The following FER1L5 variants were observed in gnomAD, a reference collection of about 807,000 sequenced individuals.
FER1L5 encodes fer-1-like protein 5.
A neutral mutation model predicts 279.9 loss-of-function variants in FER1L5; 187 were observed. The ratio of observed to expected loss-of-function variants is 0.67; its 90% CI spans 0.59 to 0.75. The LOEUF (loss-of-function observed/expected upper bound fraction) is 0.75. FER1L5 is among the 30% of genes least tolerant of loss of function. The pLI, the probability that FER1L5 is intolerant of heterozygous loss-of-function variation, is 0.00. For missense variants in FER1L5, 2,091 were observed against 2,594.4 expected, an observed-to-expected ratio of 0.81 and a Z score of 4.21; for synonymous variants, 921 against 989.7, an observed-to-expected ratio of 0.93 and a Z score of 1.30.
rs772343894 is a variant in FER1L5 at position 96,704,669 on chromosome 2, G to C, written c.6151G>C (p.Glu2051Gln). ...AAATCACCTGAGTGATATTTTCCCA[G>C]AACTTCCAGCCCCAGGAGACTAATT... The part of the protein sequence containing the change: ...PTNHLSDIFP[E>Q]LPAPGD The change falls in exon 53 of 53, where the codon GAA (glutamate) becomes CAA (glutamine). Residue 2051 changes from glutamate (E) to glutamine (Q), a missense_variant. Transcript: ENST00000624922. 7 of 1,613,840 alleles carry C rather than the reference G, an allele frequency of 4.3e-6. No homozygotes were observed. In the Admixed American group the frequency reaches 1.2e-4, roughly 27 times the overall value.
At chr2:96,660,236 G>A in intron 9 of FER1L5, 105 bp from the exon 10 acceptor site, 1 of 1,151,338 alleles carries the variant, frequency 8.7e-7, no homozygotes. Context: ...TTAGGGCAGA[G>A]AACATACTGA....
intron 23 of FER1L5, among the ~76,000 whole-genome samples, chr2:96,686,814 T>A (rs1248453361): frequency 7.6e-6 from 1 of 131,504 alleles, no homozygotes; most frequent in Non-Finnish European, 1.5e-5. Context: ...GCTGAGATCG[T>A]GACACTGTTC....
intron 9 of FER1L5, among the ~76,000 whole-genome samples, chr2:96,656,564 A>G (rs893516183): frequency 6.6e-6 from 1 of 152,236 alleles, no homozygotes; most frequent in South Asian, 2.1e-4. Context: ...CAGATGGTAG[A>G]GGTTGCAGTG....
chr2:96,643,330 C>T (rs2074963475), intron 1 of FER1L5, among the ~76,000 whole-genome samples: 1 of 152,102 alleles, frequency 6.6e-6, no homozygotes, highest in Non-Finnish European at 1.5e-5. Flanking sequence ...TTACAATTGA[C>T]AAGGCATTAT....
In FER1L5 at chr2:96,661,702, C is replaced by A. The variant is rs2075960030; in HGVS notation, c.929C>A (p.Thr310Asn). 1.3e-6 allele frequency: 2 copies of A among 1,551,630 alleles called. No individual in the cohort carries two copies. The highest frequency in any genetic ancestry group is 3.9e-5 in the Admixed American group (2 of 50,992). The change falls in exon 12 of 53, where the codon ACC (threonine) becomes AAC (asparagine). Residue 310 changes from threonine to asparagine, a missense_variant. Thr to Asn is a moderately conservative substitution (Grantham distance 65). Coordinates refer to ENST00000624922, the MANE Select transcript of FER1L5 (RefSeq NM_001293083.2). ...AAGCTGCTCTATGGCACCGATGACA[C>A]CGATATTCAGATCTTCAAGTCAGCG... is the stretch of plus-strand genomic sequence containing the variant. Reference protein sequence around the residue: ...DQKLLYGTDDTDIQIFKSAVV... With the variant: ...DQKLLYGTDDNDIQIFKSAVV...
intron 39 of FER1L5, 97 bp downstream of exon 39, chr2:96,697,858 GGTTCC>G (rs2077441651): frequency 6.7e-7 from 1 of 1,495,050 alleles, no homozygotes; most frequent in Admixed American, 1.9e-5. Context: ...CAAGTGGGAA[GGTTCC>G]CGCACTGTCT....
Position 96,689,388 on chromosome 2 carries a change from G to A in FER1L5, c.2525+12G>A. On this transcript the variant is annotated intron_variant, in intron 25 of 52. Transcript: ENST00000624922. This position sits in a 1 kb window ranked among gnomAD's most constrained non-coding sequence, Gnocchi z 4.6. Reference sequence around the variant, plus strand: ...GAACCTCAGAGAAGGTAAGGCCAGAGGGGGCAGGCCCCACCAGAGGGGACA... The same window carrying A: ...GAACCTCAGAGAAGGTAAGGCCAGAAGGGGCAGGCCCCACCAGAGGGGACA... 1 of 1,548,604 alleles carries A rather than the reference G, an allele frequency of 6.5e-7. No individual in the cohort carries two copies. Among genetic ancestry groups the A allele is most frequent in the Non-Finnish European group, 8.7e-7 (1 of 1,146,268 alleles).
rs1162866523 is a variant in FER1L5, at chr2:96,694,465, G to C, written c.3741+1G>C. 1 of 1,541,264 alleles carries C rather than the reference G, an allele frequency of 6.5e-7. No homozygotes were observed. The highest frequency in any genetic ancestry group is 1.2e-5 in the South Asian group (1 of 82,142). On this transcript the variant is annotated splice_donor_variant, in intron 34 of 52. Transcript: ENST00000624922. LOFTEE classifies it high-confidence loss of function. This position sits in a 1 kb window ranked among gnomAD's most constrained non-coding sequence, Gnocchi z 4.6. The stretch of plus-strand genomic sequence containing the variant: ...CACGATAAAGAGGATGGCCATTGAG[G>C]TGCTGGCGATGTGGGATGGGGACGG...
At position 96,702,817 on chromosome 2, in the gene FER1L5, C is replaced by T; in HGVS notation, c.5397+76C>T. On this transcript the variant is annotated intron_variant, in intron 48 of 52. Transcript: ENST00000624922. The surrounding 1 kb of genome is among the most constrained non-coding windows in gnomAD (Gnocchi z 4.0). The stretch of plus-strand genomic sequence containing the variant: ...GCTCCTGGAGCTCCTCCCCCCACCC[C>T]TCCAGAGGCTTGCAATCTGTCCCAG... The T allele has an allele frequency of 6.3e-7, 1 of 1,575,592 alleles. No homozygotes were observed. Among genetic ancestry groups the T allele is most frequent in the Non-Finnish European group, 8.6e-7 (1 of 1,161,218 alleles).
Position 96,698,750 on chromosome 2 carries a change from GA to G in FER1L5, c.4437del (p.Glu1480ArgfsTer32). The G allele has an allele frequency of 6.4e-7, 1 of 1,573,788 alleles. No homozygotes were observed. The highest frequency in any genetic ancestry group is 8.6e-7 in the Non-Finnish European group (1 of 1,160,304). On this transcript the variant is annotated frameshift_variant, in exon 41 of 53. Transcript: ENST00000624922. LOFTEE classifies it high-confidence loss of function. This position sits in a 1 kb window ranked among gnomAD's most constrained non-coding sequence, Gnocchi z 5.5. Reference sequence around the variant, plus strand: ...CTGCAGTTCTTGGTTTGGCCAGAGAGAGAGGACTTCCCCCAGCCGTGCTTGG... The same window carrying G: ...CTGCAGTTCTTGGTTTGGCCAGAGAGGAGGACTTCCCCCAGCCGTGCTTGG... ...PPLQFLVWPE[R>X]EDFPQPCLVR...
chr2:96,686,400 A>C (rs1261670772), intron 23 of FER1L5, 50 bp downstream of exon 23: 1 of 1,517,580 alleles, frequency 6.6e-7, no homozygotes, highest in Admixed American at 2.1e-5. Context: ...AAATGCCCCC[A>C]GGGGAGCCCC....
At chr2:96,671,368 G>A (rs1426224896) in intron 18 of FER1L5, among the ~76,000 whole-genome samples, 2 of 152,094 alleles carry the variant, frequency 1.3e-5, no homozygotes, top group Admixed American at 1.3e-4. Flanking sequence ...GAGGTGGGTA[G>A]GTTTCAGAGA....
At chr2:96,681,125 G>A (rs541224065) in intron 19 of FER1L5, among the ~76,000 whole-genome samples, 10 of 152,222 alleles carry the variant, frequency 6.6e-5, no homozygotes, top group African/African-American at 2.4e-4. Flanking sequence ...CCTGAAGAGT[G>A]TCCAACAAAA....
Position 96,698,681 on chromosome 2 carries a change from G to A in FER1L5, c.4367G>A (p.Arg1456His), listed in dbSNP as rs2077474245. The part of the protein sequence containing the change: ...PVVGEFKGLF[R>H]IYPFPENPEA... ...CCCTCCCCCCGCCAGGGCCTTTTCCGCATCTACCCCTTTCCTGAGAATCCA... is the reference window on the plus strand; with the variant it reads ...CCCTCCCCCCGCCAGGGCCTTTTCCACATCTACCCCTTTCCTGAGAATCCA... The change falls in exon 41 of 53, where the codon CGC becomes CAC. Residue 1456 changes from arginine (R) to histidine (H), a missense_variant. Transcript: ENST00000624922. This position sits in a 1 kb window ranked among gnomAD's most constrained non-coding sequence, Gnocchi z 5.5. The A allele has an allele frequency of 4.4e-6, 7 of 1,586,422 alleles. No homozygotes were observed. Among genetic ancestry groups the A allele is most frequent in the Non-Finnish European group, 4.3e-6 (5 of 1,167,094 alleles).
Position 96,691,347 on chromosome 2 carries a change from G to A in FER1L5, c.2901G>A (p.Leu967=). Residue 967 remains leucine, a synonymous_variant, in exon 28 of 53, where the codon CTG becomes CTA. Coordinates refer to ENST00000624922, the MANE Select transcript of FER1L5 (RefSeq NM_001293083.2). The surrounding 1 kb of genome is among the most constrained non-coding windows in gnomAD (Gnocchi z 6.0). ...ACGAGCAGGAGACCCTCTCCTTCCT[G>A]CAGCTGGTGAGGGGTCGACGGGCGC... is the stretch of plus-strand genomic sequence containing the variant. ...LSHEQETLSF[L]QLGLAKGEEE... 1 of 1,549,282 alleles carries A rather than the reference G, an allele frequency of 6.5e-7. No homozygotes were observed. Among genetic ancestry groups the A allele is most frequent in the Non-Finnish European group, 8.7e-7 (1 of 1,145,922 alleles).
intron 14 of FER1L5, among the ~76,000 whole-genome samples, chr2:96,663,869 C>A (rs1023312081): frequency 2.6e-5 from 4 of 152,028 alleles, no homozygotes; most frequent in Admixed American, 6.6e-5. Context: ...AGTGGCGAAA[C>A]CAGACTCTAC....
chr2:96,647,707 C>A, intron 3 of FER1L5, 71 bp from the exon 4 acceptor site: 3 of 1,151,762 alleles, frequency 2.6e-6, no homozygotes, highest in Non-Finnish European at 3.8e-6. Context: ...CTAGCTAAAG[C>A]CCTGCCCGGG....
At chr2:96,658,070 G>A (rs564384325) in intron 9 of FER1L5, among the ~76,000 whole-genome samples, 1 of 151,442 alleles carries the variant, frequency 6.6e-6, no homozygotes, top group African/African-American at 2.4e-5. Context: ...AGGCTGGAGT[G>A]CAATGGCGTG....
In FER1L5 at chr2:96,704,652, T is replaced by C; in HGVS notation, c.6134T>C (p.Leu2045Pro). 3 of 1,614,032 alleles carry C rather than the reference T, an allele frequency of 1.9e-6. 1 individual carries two copies. The South Asian group carries it at 3.3e-5, about 18-fold the overall frequency. The change falls in exon 53 of 53, where the codon CTG becomes CCG. Residue 2045 changes from leucine to proline, a missense_variant. Physicochemically the swap from Leu to Pro is moderately conservative, Grantham distance 98. Transcript: ENST00000624922. ...CTCCACCCAGGACCCACAAATCACC[T>C]GAGTGATATTTTCCCAGAACTTCCA... ...WKLHPGPTNH[L>P]SDIFPELPAP...
Sources: allele counts gnomAD v4.1 joint callset (sites outside exome capture counted in the v4.1 genomes callset), GRCh38; gene constraint gnomAD v4.1.1; non-coding constraint Gnocchi (gnomAD v3.1); transcripts MANE v1.5; gene names NCBI Gene and HGNC (gene_info 2026-07-23, HGNC 2026-07-21).